Variants in EXOC6B observed in about 807,000 individuals in gnomAD.
The protein encoded by EXOC6B is exocyst complex component 6B.
In EXOC6B, 54 loss-of-function variants were observed where a neutral mutation model predicts 113.5. The observed-to-expected ratio is 0.48, with a 90% confidence interval of 0.38 to 0.60. EXOC6B has a LOEUF of 0.60. Ranked by LOEUF, EXOC6B falls within the 20% of genes least tolerant of loss-of-function variation. EXOC6B has a pLI of 0.00. For missense variants in EXOC6B, 797 were observed against 977.5 expected, an observed-to-expected ratio of 0.82 and a Z score of 2.46; for synonymous variants, 357 against 339.0, an observed-to-expected ratio of 1.05 and a Z score of -0.58.
At chr2:72,366,491 G>C (rs1233645920) in intron 19 of EXOC6B, among the ~76,000 whole-genome samples, 2 of 152,000 alleles carry the variant, frequency 1.3e-5, no homozygotes, top group African/African-American at 4.8e-5. Flanking sequence ...TGTAAAGGAA[G>C]TTTCAGACAC....
intron 11 of EXOC6B, among the ~76,000 whole-genome samples, chr2:72,502,072 T>A (rs1291472696): frequency 6.6e-6 from 1 of 152,156 alleles, no homozygotes; most frequent in East Asian, 1.9e-4. Flanking sequence ...CTAAAAAAAC[T>A]CTTAAACATG....
At chr2:72,182,620 C>A (rs2104213935) in intron 21 of EXOC6B, among the ~76,000 whole-genome samples, 1 of 151,928 alleles carries the variant, frequency 6.6e-6, no homozygotes, top group East Asian at 1.9e-4. Context: ...TGCCAAGAAG[C>A]TGAATGGGAA....
chr2:72,739,568 G>A (rs1259618334), intron 2 of EXOC6B, among the ~76,000 whole-genome samples: 5 of 151,498 alleles, frequency 3.3e-5, no homozygotes, highest in Non-Finnish European at 7.4e-5. Context: ...TTTCTTTCTG[G>A]TTTAGAAATT....
At chr2:72,351,179 T>G (rs1363586258) in intron 19 of EXOC6B, among the ~76,000 whole-genome samples, 2 of 152,158 alleles carry the variant, frequency 1.3e-5, no homozygotes, top group Non-Finnish European at 2.9e-5. Context: ...TCATTCAGAA[T>G]GAAAGGCGAG....
At chr2:72,784,748 C>A (rs1045164654) in intron 1 of EXOC6B, among the ~76,000 whole-genome samples, 2 of 152,208 alleles carry the variant, frequency 1.3e-5, no homozygotes, top group African/African-American at 4.8e-5. Flanking sequence ...GGAGATACAA[C>A]TGAAGTTGAG....
intron 6 of EXOC6B, among the ~76,000 whole-genome samples, chr2:72,657,402 G>GT (rs969424816): frequency 4.0e-5 from 6 of 149,168 alleles, no homozygotes; most frequent in East Asian, 2.0e-4. Flanking sequence ...TAATATTTTT[G>GT]TTTTTTTTAA....
chr2:72,305,055 A>G (rs936838122), intron 20 of EXOC6B, among the ~76,000 whole-genome samples: 2 of 152,352 alleles, frequency 1.3e-5, no homozygotes, highest in Admixed American at 6.5e-5. Flanking sequence ...AGTCACATTT[A>G]TTAAATATTC....
chr2:72,461,073 C>T (rs1302887695), intron 18 of EXOC6B, among the ~76,000 whole-genome samples: 1 of 151,288 alleles, frequency 6.6e-6, no homozygotes, highest in Admixed American at 6.6e-5. Context: ...ACGGATGAAA[C>T]TGGAAATCAT....
chr2:72,396,913 A>G (rs1290288272), intron 18 of EXOC6B, among the ~76,000 whole-genome samples: 1 of 152,152 alleles, frequency 6.6e-6, no homozygotes, highest in Non-Finnish European at 1.5e-5. Flanking sequence ...TGTACTCAAC[A>G]AATTCAGAAA....
chr2:72,301,381 G>T (rs1474939847), intron 20 of EXOC6B, among the ~76,000 whole-genome samples: 1 of 152,190 alleles, frequency 6.6e-6, no homozygotes, highest in Non-Finnish European at 1.5e-5. Flanking sequence ...TTGGGGAGGA[G>T]TCCCTCCTTC....
At chr2:72,549,397 G>A (rs973844048) in intron 8 of EXOC6B, among the ~76,000 whole-genome samples, 1 of 152,122 alleles carries the variant, frequency 6.6e-6, no homozygotes, top group Non-Finnish European at 1.5e-5. Flanking sequence ...CTGAACTAGG[G>A]CAATAATTTT....
intron 6 of EXOC6B, among the ~76,000 whole-genome samples, chr2:72,587,913 T>C (rs1705693409): frequency 6.6e-6 from 1 of 151,614 alleles, no homozygotes; most frequent in Non-Finnish European, 1.5e-5. Flanking sequence ...CATACAAATG[T>C]CCAACAAAAA....
At chr2:72,710,583 G>A (rs1390414061) in intron 6 of EXOC6B, among the ~76,000 whole-genome samples, 1 of 152,184 alleles carries the variant, frequency 6.6e-6, no homozygotes, top group African/African-American at 2.4e-5. Flanking sequence ...TTTGACTACA[G>A]AGACCACACT....
intron 19 of EXOC6B, among the ~76,000 whole-genome samples, chr2:72,362,421 A>G (rs1245607976): frequency 6.6e-6 from 1 of 152,126 alleles, no homozygotes; most frequent in Non-Finnish European, 1.5e-5. Context: ...ATCAGTAGAA[A>G]TATGAAAGAA....
Position 72,642,639 on chromosome 2 carries a change from T to G in EXOC6B, c.670-66971A>C, listed in dbSNP as rs1355087503. Among the ~76,000 whole-genome samples, 6 of 147,128 alleles carry G rather than the reference T, an allele frequency of 4.1e-5. No individual in the cohort carries two copies. In the East Asian group the frequency reaches 1.2e-3, roughly 29 times the overall value. On this transcript the variant is annotated intron_variant, in intron 6 of 21. Coordinates refer to ENST00000272427, the MANE Select transcript of EXOC6B (RefSeq NM_015189.3). Reference sequence around the variant, plus strand: ...CAAGATGGATTAAAGACTTAAACGTTAGACCTAAAACCATAAAAACCCTAG... The same window carrying G: ...CAAGATGGATTAAAGACTTAAACGTGAGACCTAAAACCATAAAAACCCTAG...
At chr2:72,423,823 G>A (rs931529071) in intron 18 of EXOC6B, among the ~76,000 whole-genome samples, 1 of 151,880 alleles carries the variant, frequency 6.6e-6, no homozygotes, top group Non-Finnish European at 1.5e-5. Context: ...TATCCGTTTT[G>A]GGTTATATAT....
At chr2:72,663,196 A>T (rs1675147396) in intron 6 of EXOC6B, among the ~76,000 whole-genome samples, 1 of 152,236 alleles carries the variant, frequency 6.6e-6, no homozygotes, top group Non-Finnish European at 1.5e-5. Context: ...ACTCAACAAT[A>T]AAAAGGAATA....
At chr2:72,700,808 A>G (rs891061454) in intron 6 of EXOC6B, among the ~76,000 whole-genome samples, 11 of 152,136 alleles carry the variant, frequency 7.2e-5, no homozygotes, top group Non-Finnish European at 1.2e-4. Flanking sequence ...AAAATTAGCC[A>G]GGCATGATGG....
At chr2:72,525,900 T>A (rs746884083) in intron 8 of EXOC6B, among the ~76,000 whole-genome samples, 19 of 152,138 alleles carry the variant, frequency 1.2e-4, no homozygotes, top group Non-Finnish European at 2.4e-4. Context: ...TGTCTGCATA[T>A]GATGAGAAAG....
Sources: allele counts gnomAD v4.1 joint callset (sites outside exome capture counted in the v4.1 genomes callset), GRCh38; gene constraint gnomAD v4.1.1; transcripts MANE v1.5; gene names NCBI Gene and HGNC (gene_info 2026-07-23, HGNC 2026-07-21).